MYO5B: variants seen among roughly 807,000 people sequenced by gnomAD.
MYO5B encodes the protein unconventional myosin-Vb.
Under a neutral mutation model 229.3 loss-of-function variants are expected in MYO5B, and 143 were observed. The ratio of observed to expected loss-of-function variants is 0.62; its 90% CI spans 0.54 to 0.72. The LOEUF (loss-of-function observed/expected upper bound fraction) is 0.72, where lower values mean the gene tolerates loss of function less well. Among genes scored for constraint, MYO5B ranks in the 30% least tolerant of loss-of-function variants. MYO5B has a pLI of 0.00. For synonymous variants in MYO5B, 918 were observed against 885.2 expected, an observed-to-expected ratio of 1.04 and a Z score of -0.66; for missense variants, 2,321 against 2,331.0, an observed-to-expected ratio of 1.00 and a Z score of 0.09.
chr18:50,166,946 T>G (rs562499918), intron 1 of MYO5B, among the ~76,000 whole-genome samples: 2 of 152,324 alleles, frequency 1.3e-5, no homozygotes, highest in South Asian at 4.1e-4. Flanking sequence ...CTGCCAATCT[T>G]GAATGCACAT....
At chr18:49,924,679 C>T (rs374782290) in intron 17 of MYO5B, among the ~76,000 whole-genome samples, 9 of 152,308 alleles carry the variant, frequency 5.9e-5, no homozygotes, top group African/African-American at 1.4e-4. Flanking sequence ...TTCCTGCACA[C>T]GAGCAGTAAG....
intron 10 of MYO5B, among the ~76,000 whole-genome samples, chr18:49,972,200 T>TG (rs1312321492): frequency 6.6e-6 from 1 of 152,216 alleles, no homozygotes; most frequent in Non-Finnish European, 1.5e-5. Context: ...AAGCCATCCT[T>TG]GCGATCTATT....
At chr18:50,137,017 G>A (rs906334164) in intron 1 of MYO5B, among the ~76,000 whole-genome samples, 7 of 152,210 alleles carry the variant, frequency 4.6e-5, no homozygotes, top group African/African-American at 1.7e-4. Flanking sequence ...GGTAGGGTCT[G>A]GGAGGGAGGC....
intron 34 of MYO5B, 116 bp from the exon 35 acceptor site, chr18:49,841,570 A>AG: frequency 4.2e-6 from 4 of 943,988 alleles, no homozygotes; most frequent in Non-Finnish European, 6.8e-6. Flanking sequence ...AGCAGCCCTG[A>AG]GGCTGGGCAG....
At chr18:50,136,781 A>G (rs909450638) in intron 1 of MYO5B, among the ~76,000 whole-genome samples, 1 of 152,186 alleles carries the variant, frequency 6.6e-6, no homozygotes, top group African/African-American at 2.4e-5. Flanking sequence ...AACCTCCTAC[A>G]CTTGGAGAAT....
chr18:49,835,247 A>G, intron 39 of MYO5B, 97 bp downstream of exon 39: 6 of 866,626 alleles, frequency 6.9e-6, no homozygotes, highest in South Asian at 6.8e-5. Context: ...TGTAACCAGT[A>G]TTTTAGTAAT....
At chr18:49,925,675 A>T (rs373407214) in intron 17 of MYO5B, among the ~76,000 whole-genome samples, 7 of 152,198 alleles carry the variant, frequency 4.6e-5, no homozygotes, top group African/African-American at 1.7e-4. Context: ...AAGAGCCAGA[A>T]GCAGGAGTGC....
chr18:50,070,015 AGTC>A, intron 1 of MYO5B, among the ~76,000 whole-genome samples: 1 of 134,388 alleles, frequency 7.4e-6, no homozygotes, highest in Admixed American at 7.4e-5. Flanking sequence ...ATTGCAATTT[AGTC>A]TTTTTTTTTT....
intron 15 of MYO5B, 69 bp from the exon 16 acceptor site, chr18:49,936,418 T>C (rs557632502): frequency 3.5e-5 from 39 of 1,101,126 alleles, no homozygotes; most frequent in East Asian, 1.5e-4. Flanking sequence ...GAAAAACTCA[T>C]ATATGGGTGG....
At chr18:50,008,038 A>G (rs78838033) in intron 4 of MYO5B, among the ~76,000 whole-genome samples, 2,635 of 152,220 alleles carry the variant, frequency 0.017, 77 homozygotes, top group African/African-American at 0.061. Flanking sequence ...ATTATACAGG[A>G]TAATGCATTA....
intron 1 of MYO5B, among the ~76,000 whole-genome samples, chr18:50,087,523 A>C (rs1440955960): frequency 6.6e-6 from 1 of 150,524 alleles, no homozygotes; most frequent in Non-Finnish European, 1.5e-5. Flanking sequence ...CAGTGAGGTG[A>C]GATCGTGCCA....
chr18:50,148,201 C>T lies in MYO5B; in HGVS notation c.27+46566G>A, dbSNP rs555931572. On this transcript the variant is annotated intron_variant, in intron 1 of 39. Coordinates refer to ENST00000285039, the MANE Select transcript of MYO5B (RefSeq NM_001080467.3). ...ATTGTGGCAATAATCAATAGCTTAC[C>T]AACCAAAAAGAGTCCAGGACCAGAT... Among the ~76,000 whole-genome samples the T allele has an allele frequency of 2.0e-5, 3 of 150,788 alleles. No homozygotes were observed. The East Asian group carries it at 5.8e-4, about 29-fold the overall frequency.
chr18:49,974,925 A>G (rs2025733593), intron 9 of MYO5B, among the ~76,000 whole-genome samples: 1 of 152,052 alleles, frequency 6.6e-6, no homozygotes, highest in African/African-American at 2.4e-5. Flanking sequence ...AAACCAAAAC[A>G]TTCTCCATCT....
chr18:49,984,591 G>C, intron 8 of MYO5B, 127 bp downstream of exon 8: 1 of 757,944 alleles, frequency 1.3e-6, no homozygotes, highest in South Asian at 1.4e-5. Flanking sequence ...ACATTCACCA[G>C]GGGCAAGAGG....
At chr18:50,072,360 G>A (rs932531658) in intron 1 of MYO5B, among the ~76,000 whole-genome samples, 11 of 152,202 alleles carry the variant, frequency 7.2e-5, no homozygotes, top group Non-Finnish European at 5.9e-5. Context: ...AGCAGCTGGT[G>A]AAAAAGCAGC....
Position 49,826,244 on chromosome 18 carries a change from CAAACTT to C in MYO5B, c.*221_*226del. On this transcript the variant is annotated 3_prime_UTR_variant, in exon 40 of 40. Transcript: ENST00000285039. The stretch of plus-strand genomic sequence containing the variant: ...TTATGTATATGTGTTGGACTGAAAT[CAAACTT>C]AAAATCTTCCATATTTCAAGTGTTT... The C allele has an allele frequency of 1.8e-6, 1 of 548,928 alleles. No homozygotes were observed. The highest frequency in any genetic ancestry group is 3.2e-6 in the Non-Finnish European group (1 of 309,250). 34.0% of individuals were successfully genotyped at this position (548,928 alleles called of 1,614,324 possible).
intron 1 of MYO5B, among the ~76,000 whole-genome samples, chr18:50,153,524 C>T (rs1183027087): frequency 6.6e-6 from 1 of 152,134 alleles, no homozygotes; most frequent in East Asian, 1.9e-4. Context: ...GATATCGGTT[C>T]ACTGCAGCCT....
intron 2 of MYO5B, among the ~76,000 whole-genome samples, chr18:50,043,641 A>G (rs2030134064): frequency 7.3e-6 from 1 of 136,892 alleles, no homozygotes; most frequent in Non-Finnish European, 1.5e-5. Flanking sequence ...TATATTAAAT[A>G]TATTTATAAA....
At chr18:49,940,627 C>G (rs1007140255) in intron 14 of MYO5B, among the ~76,000 whole-genome samples, 3 of 152,162 alleles carry the variant, frequency 2.0e-5, no homozygotes, top group African/African-American at 4.8e-5. Flanking sequence ...AGTGAACCCC[C>G]CTCAGTCTGA....
Sources: gnomAD v4.1 joint callset for allele counts (sites outside exome capture counted in the v4.1 genomes callset) on GRCh38, gnomAD v4.1.1 for gene constraint, MANE v1.5 for transcripts, NCBI Gene and HGNC (gene_info 2026-07-23, HGNC 2026-07-21) for gene names.